Variants in SWAP70 observed in about 807,000 individuals in gnomAD.
The protein encoded by SWAP70 is switching B cell complex subunit SWAP70, also known as switch-associated protein 70.
SWAP70 carries 34 observed loss-of-function variants against 80.2 expected under a neutral mutation model. That is an observed-to-expected ratio of 0.42 (90% CI 0.32 to 0.56). The LOEUF (loss-of-function observed/expected upper bound fraction) is 0.56, where lower values mean the gene tolerates loss of function less well. Ranked by LOEUF, SWAP70 falls within the 20% of genes least tolerant of loss-of-function variation. The pLI is 0.09. For missense variants in SWAP70, 578 were observed against 690.7 expected (o/e 0.84, Z 1.83); for synonymous variants, 239 against 238.5 (o/e 1.00, Z -0.02).
chr11:9,691,743 C>T (rs969773543), intron 1 of SWAP70, among the ~76,000 whole-genome samples: 7 of 152,198 alleles, frequency 4.6e-5, no homozygotes, highest in African/African-American at 1.7e-4. Flanking sequence ...ATCTGTGAGT[C>T]TGTAGTCACC....
chr11:9,684,386 G>A (rs1387669990), intron 1 of SWAP70, among the ~76,000 whole-genome samples: 1 of 152,174 alleles, frequency 6.6e-6, no homozygotes, highest in Admixed American at 6.6e-5. Flanking sequence ...AGCCAGATTT[G>A]TGGTCTTTGT....
chr11:9,747,070 C>T (rs1851521752), intron 9 of SWAP70, among the ~76,000 whole-genome samples: 1 of 152,192 alleles, frequency 6.6e-6, no homozygotes, highest in African/African-American at 2.4e-5. Context: ...ACACTATATA[C>T]ACTTTAATGC....
intron 11 of SWAP70, among the ~76,000 whole-genome samples, chr11:9,749,492 C>T (rs1010296588): frequency 5.3e-5 from 8 of 152,184 alleles, no homozygotes; most frequent in Admixed American, 2.0e-4. Context: ...GTGATCCGCC[C>T]GCCTCAGCCT....
At chr11:9,742,374 G>C (rs933476675) in intron 9 of SWAP70, among the ~76,000 whole-genome samples, 1 of 151,314 alleles carries the variant, frequency 6.6e-6, no homozygotes, top group Non-Finnish European at 1.5e-5. Context: ...GTCTTGCTCT[G>C]TTATCAGGCT....
intron 7 of SWAP70, among the ~76,000 whole-genome samples, chr11:9,735,346 C>T (rs970247054): frequency 6.6e-6 from 1 of 152,084 alleles, no homozygotes; most frequent in Non-Finnish European, 1.5e-5. Flanking sequence ...TTACCTCATT[C>T]TTTTTTATGG....
At position 9,706,398 on chromosome 11, in the gene SWAP70, C is replaced by A. The variant is rs546670194; in HGVS notation, c.241-7068C>A. Among the ~76,000 whole-genome samples the A allele has an allele frequency of 2.0e-5, 3 of 151,820 alleles. No homozygotes were observed. In the South Asian group the frequency reaches 6.2e-4, roughly 32 times the overall value. ...TTGATCAGCACTTGTTTTTTTTCCC[C>A]CCATTTTGTCTTTTTGTTTATTTTA... On this transcript the variant is annotated intron_variant, in intron 2 of 11. Transcript: ENST00000318950.
chr11:9,708,175 A>T (rs148263868), intron 2 of SWAP70, among the ~76,000 whole-genome samples: 1 of 152,286 alleles, frequency 6.6e-6, no homozygotes, highest in East Asian at 1.9e-4. Context: ...GGATTGCTAG[A>T]TCATATGGTA....
At chr11:9,664,436 G>C (rs1850284215) in intron 1 of SWAP70, among the ~76,000 whole-genome samples, 158 bp downstream of exon 1, 1 of 152,234 alleles carries the variant, frequency 6.6e-6, no homozygotes, top group African/African-American at 2.4e-5. Flanking sequence ...CTGAGACCGG[G>C]ATTTGGTGTT....
chr11:9,679,844 T>A (rs2134431835), intron 1 of SWAP70, among the ~76,000 whole-genome samples: 1 of 152,128 alleles, frequency 6.6e-6, no homozygotes, highest in South Asian at 2.1e-4. Flanking sequence ...AATTTTTTTG[T>A]ATTTTCAGTA....
In SWAP70 at chr11:9,724,656, A is replaced by C; in HGVS notation, c.415-2A>C. The C allele has an allele frequency of 6.2e-7, 1 of 1,602,330 alleles. No homozygotes were observed. The highest frequency in any genetic ancestry group is 8.5e-7 in the Non-Finnish European group (1 of 1,172,396). ...AATAATTATTTCACATTCTTTATGT[A>C]GATTGAATACCTGCTTAAGAAGCTT... On this transcript the variant is annotated splice_acceptor_variant, in intron 3 of 11. Transcript: ENST00000318950. LOFTEE classifies it high-confidence loss of function.
intron 2 of SWAP70, among the ~76,000 whole-genome samples, 189 bp from the exon 3 acceptor site, chr11:9,713,277 T>A (rs1210924964): frequency 1.3e-5 from 2 of 152,210 alleles, no homozygotes; most frequent in Non-Finnish European, 2.9e-5. Flanking sequence ...TTCAGTGTCA[T>A]GCTAAATGTA....
At chr11:9,673,848 C>G (rs1054158977) in intron 1 of SWAP70, among the ~76,000 whole-genome samples, 1 of 150,134 alleles carries the variant, frequency 6.7e-6, no homozygotes, top group Non-Finnish European at 1.5e-5. Flanking sequence ...GGCAGAAGGT[C>G]AGAGAGAGAG....
intron 1 of SWAP70, among the ~76,000 whole-genome samples, chr11:9,685,592 G>C (rs946932029): frequency 1.4e-5 from 2 of 144,150 alleles, no homozygotes; most frequent in African/African-American, 2.4e-5. Flanking sequence ...CCATTTGCGA[G>C]AGTTCCGCTC....
intron 1 of SWAP70, among the ~76,000 whole-genome samples, chr11:9,687,560 G>A (rs1338154949): frequency 6.6e-6 from 1 of 152,134 alleles, no homozygotes; most frequent in African/African-American, 2.4e-5. Context: ...TTTAGTTTCT[G>A]AAGAGGGGTA....
intron 6 of SWAP70, 141 bp downstream of exon 6, chr11:9,729,592 G>C (rs1851270287): frequency 7.6e-6 from 5 of 659,018 alleles, no homozygotes; most frequent in Non-Finnish European, 1.3e-5. Flanking sequence ...TCCACCTCCT[G>C]GGTTCAAGCA....
intron 2 of SWAP70, among the ~76,000 whole-genome samples, chr11:9,704,527 T>G (rs1850874978): frequency 6.6e-6 from 1 of 152,136 alleles, no homozygotes; most frequent in Non-Finnish European, 1.5e-5. Flanking sequence ...CCTGAGTAGC[T>G]GAGATTACAG....
chr11:9,726,228 T>A (rs1054915579), intron 4 of SWAP70, among the ~76,000 whole-genome samples: 1 of 152,248 alleles, frequency 6.6e-6, no homozygotes, highest in African/African-American at 2.4e-5. Flanking sequence ...GACTGTCCTC[T>A]TTTTCTCAGC....
At chr11:9,669,853 T>C (rs1197872419) in intron 1 of SWAP70, among the ~76,000 whole-genome samples, 1 of 152,012 alleles carries the variant, frequency 6.6e-6, no homozygotes, top group Non-Finnish European at 1.5e-5. Context: ...ACTTGCCAGG[T>C]GCGGTGCCTC....
intron 1 of SWAP70, among the ~76,000 whole-genome samples, chr11:9,680,322 A>C (rs553918268): frequency 6.6e-6 from 1 of 152,346 alleles, no homozygotes; most frequent in South Asian, 2.1e-4. Flanking sequence ...GACTGCTTGA[A>C]AATTCATGAG....
Sources: gnomAD v4.1 joint callset for allele counts (sites outside exome capture counted in the v4.1 genomes callset) on GRCh38, gnomAD v4.1.1 for gene constraint, MANE v1.5 for transcripts, NCBI Gene and HGNC (gene_info 2026-07-23, HGNC 2026-07-21) for gene names.